Variants in ANKRD33B observed in about 807,000 individuals in gnomAD.
The protein encoded by ANKRD33B is ankyrin repeat domain 33B, also known as ankyrin repeat domain-containing protein 33B.
ANKRD33B carries 6 observed loss-of-function variants against 21.5 expected under a neutral mutation model. The ratio of observed to expected loss-of-function variants is 0.28; its 90% CI spans 0.15 to 0.55. ANKRD33B has a LOEUF of 0.55. Ranked by LOEUF, ANKRD33B falls within the 20% of genes least tolerant of loss-of-function variation. ANKRD33B has a pLI of 0.94. For synonymous variants in ANKRD33B, 347 were observed against 342.4 expected (o/e 1.01, Z -0.15); for missense variants, 698 against 747.2 (o/e 0.93, Z 0.77).
chr5:10,602,406 C>T (rs569292910), intron 1 of ANKRD33B, among the ~76,000 whole-genome samples: 1 of 152,326 alleles, frequency 6.6e-6, no homozygotes, highest in Non-Finnish European at 1.5e-5. Flanking sequence ...GTAAATAGGT[C>T]GTTTGGCTCA....
At chr5:10,587,238 C>T (rs1735586619) in intron 1 of ANKRD33B, among the ~76,000 whole-genome samples, 1 of 151,798 alleles carries the variant, frequency 6.6e-6, no homozygotes, top group Admixed American at 6.6e-5. Context: ...TGATCTCGAA[C>T]TCCTGACCTG....
At chr5:10,595,160 G>A (rs369530913) in intron 1 of ANKRD33B, among the ~76,000 whole-genome samples, 13 of 152,142 alleles carry the variant, frequency 8.5e-5, no homozygotes, top group African/African-American at 2.7e-4. Flanking sequence ...GGGCCAGACC[G>A]GAGGGTTACA....
chr5:10,637,511 C>G (rs1199555616), intron 2 of ANKRD33B, among the ~76,000 whole-genome samples: 1 of 132,952 alleles, frequency 7.5e-6, no homozygotes, highest in Admixed American at 7.5e-5. Context: ...GAGAGAGACT[C>G]CTGCTTCTGG....
chr5:10,649,595 G>C lies in ANKRD33B; in HGVS notation c.967G>C (p.Val323Leu). ...TSLYSPAVAIVCQTVCPESPP... is the reference protein window; with the variant it reads ...TSLYSPAVAILCQTVCPESPP... ...CCTCTACAGCCCCGCCGTGGCCATC[G>C]TGTGCCAGACCGTGTGCCCTGAGAG... The change falls in exon 4 of 4, where the codon GTG becomes CTG. Residue 323 changes from valine to leucine, a missense_variant. By Grantham distance (32) the Val-to-Leu change is conservative. Around this residue, in one of 3 missense-constraint regions of ANKRD33B, gnomAD observed 543 missense variants for 566.5 expected, o/e 0.96. Coordinates refer to ENST00000296657, the MANE Select transcript of ANKRD33B (RefSeq NM_001164440.2). 3.9e-6 allele frequency: 6 copies of C among 1,529,224 alleles called. 1 individual carries two copies. Among genetic ancestry groups the C allele is most frequent in the Middle Eastern group, 4.5e-4 (2 of 4,462 alleles). 94.7% of individuals were successfully genotyped at this position (1,529,224 alleles called of 1,614,324 possible). A position where few individuals can be genotyped will look rare whatever the true frequency, so the allele number is the denominator to read the frequency against.
intron 2 of ANKRD33B, among the ~76,000 whole-genome samples, chr5:10,629,921 TAAG>T (rs1280200488): frequency 6.6e-6 from 1 of 152,184 alleles, no homozygotes; most frequent in African/African-American, 2.4e-5. Flanking sequence ...AGTCTCATTG[TAAG>T]AAGGTCACTG....
chr5:10,603,405 G>A (rs1735974806), intron 1 of ANKRD33B, among the ~76,000 whole-genome samples: 1 of 151,828 alleles, frequency 6.6e-6, no homozygotes, highest in South Asian at 2.1e-4. Context: ...TCAGATTATA[G>A]GTGTGCACCA....
At chr5:10,571,840 A>C (rs1345438684) in intron 1 of ANKRD33B, among the ~76,000 whole-genome samples, 2 of 152,082 alleles carry the variant, frequency 1.3e-5, no homozygotes, top group African/African-American at 2.4e-5. Flanking sequence ...GCCACATCTC[A>C]GAATTAAGTG....
In ANKRD33B at chr5:10,653,869, C is replaced by G. The variant is rs1284713845; in HGVS notation, c.*3756C>G. ...CATTCACTCACCGAGGGCTCGCCCT[C>G]CCTGGATCTGCCATGTGGTTCAGGG... On this transcript the variant is annotated 3_prime_UTR_variant, in exon 4 of 4. Transcript: ENST00000296657. 1.3e-5 allele frequency: 2 copies of G among 152,418 alleles called. No homozygotes were observed. Among genetic ancestry groups the G allele is most frequent in the African/African-American group, 4.8e-5 (2 of 41,452 alleles). 9.4% of individuals were successfully genotyped at this position (152,418 alleles called of 1,614,324 possible).
intron 1 of ANKRD33B, among the ~76,000 whole-genome samples, chr5:10,612,306 C>T (rs930703857): frequency 5.9e-5 from 9 of 152,194 alleles, no homozygotes; most frequent in African/African-American, 2.2e-4. Context: ...CATGGGCCTG[C>T]TTTCTGTTTC....
At chr5:10,632,802 T>C (rs553945963) in intron 2 of ANKRD33B, among the ~76,000 whole-genome samples, 1 of 152,340 alleles carries the variant, frequency 6.6e-6, no homozygotes, top group South Asian at 2.1e-4. Flanking sequence ...TATGTATTTA[T>C]TTTGAGACAG....
chr5:10,606,247 G>A (rs982081681), intron 1 of ANKRD33B, among the ~76,000 whole-genome samples: 1 of 152,190 alleles, frequency 6.6e-6, no homozygotes, highest in South Asian at 2.1e-4. Flanking sequence ...TTAGTCTAAA[G>A]GGAAATTGTT....
chr5:10,633,925 G>A (rs1252699632), intron 2 of ANKRD33B, among the ~76,000 whole-genome samples: 4 of 152,086 alleles, frequency 2.6e-5, no homozygotes, highest in Non-Finnish European at 4.4e-5. Flanking sequence ...CTCCTCCCCC[G>A]TTTCCGTGTA....
At chr5:10,566,978 TG>T (rs1361631189) in intron 1 of ANKRD33B, among the ~76,000 whole-genome samples, 1 of 152,274 alleles carries the variant, frequency 6.6e-6, no homozygotes, top group African/African-American at 2.4e-5. Context: ...TGTTTTGTTT[TG>T]TTTTTTGTCT....
intron 2 of ANKRD33B, among the ~76,000 whole-genome samples, chr5:10,637,149 A>C (rs1285073418): frequency 6.6e-6 from 1 of 152,168 alleles, no homozygotes; most frequent in African/African-American, 2.4e-5. Context: ...TGGCATGGAC[A>C]GTTGACCCAA....
At position 10,649,969 on chromosome 5, in the gene ANKRD33B, C is replaced by G. The variant is rs1009018674; in HGVS notation, c.1341C>G (p.Thr447=). ...QPERPARKGS[T]KDSGHLQIPK... is the part of the protein sequence containing the mutation. ...AGCGGCCGGCGCGGAAGGGCAGCAC[C>G]AAGGACAGCGGCCACCTGCAGATCC... The change falls in exon 4 of 4, where the codon ACC becomes ACG. Residue 447 remains threonine (T), a synonymous_variant. Coordinates refer to ENST00000296657, the MANE Select transcript of ANKRD33B (RefSeq NM_001164440.2). 7.2e-6 allele frequency: 11 copies of G among 1,533,248 alleles called. No individual in the cohort carries two copies. The highest frequency in any genetic ancestry group is 9.6e-6 in the Non-Finnish European group (11 of 1,144,880). The allele number at this position is 1,533,248 out of a possible 1,614,324, so 95.0% of individuals were successfully genotyped here. A position where few individuals can be genotyped will look rare whatever the true frequency, so the allele number is the denominator to read the frequency against.
chr5:10,593,932 G>C (rs1735753420), intron 1 of ANKRD33B, among the ~76,000 whole-genome samples: 1 of 152,136 alleles, frequency 6.6e-6, no homozygotes, highest in African/African-American at 2.4e-5. Flanking sequence ...TGCTGTCTCT[G>C]AGCCGAATTC....
intron 1 of ANKRD33B, among the ~76,000 whole-genome samples, chr5:10,581,029 G>T (rs1735433118): frequency 6.6e-6 from 1 of 152,190 alleles, no homozygotes; most frequent in Admixed American, 6.5e-5. Flanking sequence ...CTCCAGCCTT[G>T]GGGTGGGCTG....
intron 1 of ANKRD33B, among the ~76,000 whole-genome samples, chr5:10,582,719 GTCCC>G (rs1735469620): frequency 6.6e-6 from 1 of 152,112 alleles, no homozygotes. Flanking sequence ...CCACACACCT[GTCCC>G]TCCTTTGACT....
intron 1 of ANKRD33B, among the ~76,000 whole-genome samples, chr5:10,607,880 T>A (rs1736084765): frequency 6.6e-6 from 1 of 152,204 alleles, no homozygotes; most frequent in South Asian, 2.1e-4. Flanking sequence ...AGCAGCAGTT[T>A]CCTTTAGCCC....
Sources: allele counts gnomAD v4.1 joint callset (sites outside exome capture counted in the v4.1 genomes callset), GRCh38; gene constraint gnomAD v4.1.1; regional missense constraint gnomAD v4.1.1; transcripts MANE v1.5; gene names NCBI Gene and HGNC (gene_info 2026-07-23, HGNC 2026-07-21).